Variants in CNTN4 observed in about 807,000 individuals in gnomAD.
CNTN4 encodes contactin-4.
Under a neutral mutation model 122.5 loss-of-function variants are expected in CNTN4, and 77 were observed. That is an observed-to-expected ratio of 0.63 (90% CI 0.52 to 0.76). The LOEUF is 0.76. Among genes scored for constraint, CNTN4 ranks in the 30% least tolerant of loss-of-function variants. CNTN4 has a pLI of 0.00. For synonymous variants in CNTN4, 512 were observed against 447.0 expected, an observed-to-expected ratio of 1.15 and a Z score of -1.83; for missense variants, 1,256 against 1,259.1, an observed-to-expected ratio of 1.00 and a Z score of 0.04.
chr3:2,810,832 A>G (rs992753221), intron 6 of CNTN4, among the ~76,000 whole-genome samples: 5 of 152,214 alleles, frequency 3.3e-5, no homozygotes, highest in South Asian at 4.1e-4. Flanking sequence ...TAATATCTAA[A>G]TTGTAAGGTT....
chr3:2,764,159 C>G (rs916381739), intron 6 of CNTN4, among the ~76,000 whole-genome samples: 1 of 152,114 alleles, frequency 6.6e-6, no homozygotes, highest in Non-Finnish European at 1.5e-5. Flanking sequence ...CAGACCCAGT[C>G]CCTCATCTTA....
intron 3 of CNTN4, among the ~76,000 whole-genome samples, chr3:2,430,853 T>A (rs760548523): frequency 6.6e-6 from 1 of 152,168 alleles, no homozygotes; most frequent in Non-Finnish European, 1.5e-5. Flanking sequence ...AGAAGACAGA[T>A]GTGCTCAAAT....
At chr3:2,607,930 G>A (rs577720016) in intron 4 of CNTN4, among the ~76,000 whole-genome samples, 3 of 152,236 alleles carry the variant, frequency 2.0e-5, no homozygotes, top group African/African-American at 7.2e-5. Context: ...CCTACAAGCT[G>A]TATTTGATCA....
intron 3 of CNTN4, among the ~76,000 whole-genome samples, chr3:2,439,266 C>T (rs902260618): frequency 5.3e-5 from 8 of 152,192 alleles, no homozygotes; most frequent in Admixed American, 4.6e-4. Context: ...TAGGCCTCAC[C>T]CCAGACCTAC....
intron 6 of CNTN4, among the ~76,000 whole-genome samples, chr3:2,750,119 A>C (rs558822715): frequency 6.6e-6 from 1 of 152,348 alleles, no homozygotes; most frequent in Non-Finnish European, 1.5e-5. Flanking sequence ...GAGTAACGGA[A>C]TTACTCATTG....
At chr3:2,341,529 C>G (rs1361580441) in intron 3 of CNTN4, among the ~76,000 whole-genome samples, 1 of 152,172 alleles carries the variant, frequency 6.6e-6, no homozygotes, top group Non-Finnish European at 1.5e-5. Context: ...TTGAAACTTT[C>G]CAGAATTTGG....
chr3:2,405,613 AG>A (rs1490818867), intron 3 of CNTN4, among the ~76,000 whole-genome samples: 2 of 151,820 alleles, frequency 1.3e-5, no homozygotes, highest in African/African-American at 2.4e-5. Flanking sequence ...ATAGATAGAT[AG>A]ATAGATAGAT....
intron 2 of CNTN4, among the ~76,000 whole-genome samples, chr3:2,127,869 C>G (rs1574893701): frequency 6.6e-6 from 1 of 152,268 alleles, no homozygotes; most frequent in East Asian, 1.9e-4. Context: ...TAGTCAAAAG[C>G]AAGCTCAAAG....
At chr3:2,360,444 C>A (rs1346894106) in intron 3 of CNTN4, among the ~76,000 whole-genome samples, 1 of 151,988 alleles carries the variant, frequency 6.6e-6, no homozygotes, top group African/African-American at 2.4e-5. Context: ...GTATTTCAGT[C>A]TTCTATAATA....
intron 12 of CNTN4, among the ~76,000 whole-genome samples, chr3:2,908,959 A>G (rs1458912201): frequency 6.6e-6 from 1 of 152,126 alleles, no homozygotes; most frequent in Non-Finnish European, 1.5e-5. Context: ...CAAGTAACTG[A>G]TGGCCCAATT....
intron 3 of CNTN4, among the ~76,000 whole-genome samples, chr3:2,512,721 G>T (rs1224978548): frequency 6.6e-6 from 1 of 152,138 alleles, no homozygotes. Flanking sequence ...GAACCAAAGT[G>T]AACTTAAAAT....
At chr3:3,010,096 C>T (rs1054609754) in intron 14 of CNTN4, among the ~76,000 whole-genome samples, 5 of 152,086 alleles carry the variant, frequency 3.3e-5, no homozygotes, top group Non-Finnish European at 5.9e-5. Flanking sequence ...CCCTGCTATC[C>T]TCAGTTCAAC....
chr3:2,244,671 C>T (rs1488525822), intron 2 of CNTN4, among the ~76,000 whole-genome samples: 1 of 151,862 alleles, frequency 6.6e-6, no homozygotes, highest in Non-Finnish European at 1.5e-5. Context: ...CATTATATTT[C>T]CATTGGACAG....
At chr3:2,912,700 T>C (rs1026633204) in intron 12 of CNTN4, among the ~76,000 whole-genome samples, 4 of 152,214 alleles carry the variant, frequency 2.6e-5, no homozygotes, top group African/African-American at 9.6e-5. Flanking sequence ...GTAAATAGTT[T>C]TTATACATGA....
At position 2,754,653 on chromosome 3, in the gene CNTN4, T is replaced by C. The variant is rs1257739372; in HGVS notation, c.358+8956T>C. 2.0e-5 allele frequency among the ~76,000 whole-genome samples: 3 copies of C among 151,700 alleles called. No individual in the cohort carries two copies. The East Asian group carries it at 5.8e-4, about 29-fold the overall frequency. On this transcript the variant is annotated intron_variant, in intron 6 of 24. Transcript: ENST00000418658. The stretch of plus-strand genomic sequence containing the variant: ...GGAGATGTTAAGTGAAAGGAGTGCT[T>C]ACGTACAAAAGCCACTTCATTTTGG...
At chr3:2,147,144 G>C (rs1031891604) in intron 2 of CNTN4, among the ~76,000 whole-genome samples, 3 of 152,114 alleles carry the variant, frequency 2.0e-5, no homozygotes, top group African/African-American at 7.2e-5. Flanking sequence ...CTCCCAAAGT[G>C]CTGGGATTAT....
intron 4 of CNTN4, among the ~76,000 whole-genome samples, chr3:2,663,815 A>T (rs1263353730): frequency 6.6e-6 from 1 of 152,238 alleles, no homozygotes; most frequent in East Asian, 1.9e-4. Context: ...TTCAGCAATA[A>T]TAGGGAATAA....
In CNTN4 at chr3:2,385,515, T is replaced by C. The variant is rs1358445753; in HGVS notation, c.-89+46282T>C. Among the ~76,000 whole-genome samples the C allele has an allele frequency of 6.6e-6, 1 of 152,088 alleles. No homozygotes were observed. The highest frequency in any genetic ancestry group is 1.5e-5 in the Non-Finnish European group (1 of 68,026). ...AGGGTGACTTAAAATGACAGAAGTT[T>C]ATTCTCTCACACTTCTAGAGGCCAG... On this transcript the variant is annotated intron_variant, in intron 3 of 24. Transcript: ENST00000418658. The surrounding 1 kb of genome is among the most constrained non-coding windows in gnomAD (Gnocchi z 4.0).
intron 12 of CNTN4, among the ~76,000 whole-genome samples, chr3:2,913,481 C>T (rs2094322882): frequency 6.6e-6 from 1 of 152,102 alleles, no homozygotes; most frequent in South Asian, 2.1e-4. Flanking sequence ...ATAATCCGTG[C>T]AAACCAGAAC....
Sources: gnomAD v4.1 joint callset for allele counts (sites outside exome capture counted in the v4.1 genomes callset) on GRCh38, gnomAD v4.1.1 for gene constraint, Gnocchi (gnomAD v3.1) non-coding constraint, MANE v1.5 for transcripts, NCBI Gene and HGNC (gene_info 2026-07-23, HGNC 2026-07-21) for gene names.